The following SRPRA variants were observed in gnomAD, a reference collection of about 807,000 sequenced individuals.
SRPRA encodes signal recognition particle receptor subunit alpha.
Under a neutral mutation model 61.1 loss-of-function variants are expected in SRPRA, and 30 were observed. The observed-to-expected ratio is 0.49, with a 90% CI of 0.37 to 0.67. The LOEUF (loss-of-function observed/expected upper bound fraction) is 0.67, where lower values mean the gene tolerates loss of function less well. Ranked by LOEUF, SRPRA falls within the 30% of genes least tolerant of loss-of-function variation. The pLI is 0.00. For synonymous variants in SRPRA, 324 were observed against 299.7 expected (o/e 1.08, Z -0.84); for missense variants, 759 against 828.4 (o/e 0.92, Z 1.03).
chr11:126,261,514 ACT>A (rs2135228713), downstream of SRPRA: 1 of 1,570,682 alleles, frequency 6.4e-7, no homozygotes, highest in East Asian at 2.2e-5. Context: ...ACTATTTATC[ACT>A]CTGTAGCAGA....
chr11:126,240,984 T>C, the SRPRA span: 1 of 1,614,036 alleles, frequency 6.2e-7, no homozygotes, highest in Non-Finnish European at 8.5e-7. Flanking sequence ...TTCAGAAATG[T>C]CTCCATGAAG....
chr11:126,266,651 A>C (rs1950815175), intron 5 of SRPRA, 22 bp from the exon 6 acceptor site: 2 of 1,612,030 alleles, frequency 1.2e-6, no homozygotes, highest in Non-Finnish European at 1.7e-6. Context: ...TATGATACAA[A>C]GAGTTATGGT....
rs772232611 is a variant in SRPRA at position 126,265,341 on chromosome 11, T to C, written c.1238A>G (p.Gln413Arg). 2 of 1,613,378 alleles carry C rather than the reference T, an allele frequency of 1.2e-6. No homozygotes were observed. Among genetic ancestry groups the C allele is most frequent in the East Asian group, 4.5e-5 (2 of 44,780 alleles). Residue 413 changes from glutamine to arginine, a missense_variant, in exon 10 of 14, where the codon CAG becomes CGG. Physicochemically the swap from Gln to Arg is conservative, Grantham distance 43. This residue lies in a region of SRPRA where 284 missense variants were observed against 365.9 expected (regional missense o/e 0.78). Coordinates refer to ENST00000332118, the MANE Select transcript of SRPRA (RefSeq NM_003139.4). This position sits in a 1 kb window ranked among gnomAD's most constrained non-coding sequence, Gnocchi z 6.3. ...GACGACATAAGGGCGCTGGCGACGC[T>C]GGGCATCCATGATGTCCCGGAGCAT... ...VDMLRDIMDA[Q>R]RRQRPYVVTF...
the SRPRA span, among the ~76,000 whole-genome samples, chr11:126,238,603 CA>C: frequency 1.3e-5 from 2 of 152,278 alleles, no homozygotes; most frequent in Non-Finnish European, 2.9e-5. Flanking sequence ...ACTTAATCCC[CA>C]CCCTCAGCTG....
In SRPRA at chr11:126,265,057, T is replaced by A; in HGVS notation, c.1427A>T (p.His476Leu). The A allele has an allele frequency of 1.2e-6, 2 of 1,613,988 alleles. No homozygotes were observed. The highest frequency in any genetic ancestry group is 2.2e-5 in the South Asian group (2 of 91,058). Residue 476 changes from histidine to leucine, a missense_variant, in exon 11 of 14, where the codon CAC becomes CTC. This residue lies in a region of SRPRA where 284 missense variants were observed against 365.9 expected (regional missense o/e 0.78). Coordinates refer to ENST00000332118, the MANE Select transcript of SRPRA (RefSeq NM_003139.4). The surrounding 1 kb of genome is among the most constrained non-coding windows in gnomAD (Gnocchi z 6.3). ...GCGGCCACCATGCTTCTCTGGAGGG[T>A]GTAGGGCACTCAAACGCCGGGTGTG... The part of the protein sequence containing the change: ...RTHTRRLSAL[H>L]PPEKHGGRTM...
At chr11:126,262,034 T>C, downstream of SRPRA, 1 of 1,316,770 alleles carries the variant, frequency 7.6e-7, no homozygotes, top group Non-Finnish European at 1.1e-6. Flanking sequence ...TCTGAAGGGT[T>C]AGGATTGACT....
chr11:126,267,925 G>T lies in SRPRA; in HGVS notation c.201+78C>A. The T allele has an allele frequency of 6.7e-7, 1 of 1,495,556 alleles. No homozygotes were observed. Among genetic ancestry groups the T allele is most frequent in the Non-Finnish European group, 9.3e-7 (1 of 1,074,298 alleles). The allele number at this position is 1,495,556 out of a possible 1,614,324, so 92.6% of individuals were successfully genotyped here. ...TTCAGTTACGTCATCATATACACTG[G>T]CTGCAATTAATCAGAGTTCTCTTAA... On this transcript the variant is annotated intron_variant, in intron 2 of 13. Coordinates refer to ENST00000332118, the MANE Select transcript of SRPRA (RefSeq NM_003139.4). This position sits in a 1 kb window ranked among gnomAD's most constrained non-coding sequence, Gnocchi z 4.2.
At position 126,265,724 on chromosome 11, in the gene SRPRA, G is replaced by C. The variant is rs1209638561; in HGVS notation, c.1138+13C>G. The C allele has an allele frequency of 6.2e-7, 1 of 1,613,112 alleles. No homozygotes were observed. The highest frequency in any genetic ancestry group is 2.2e-5 in the East Asian group (1 of 44,890). Reference sequence around the variant, plus strand: ...CTACACATAAGCACTTTCTCACTTAGGTAAGTACTTACTGCTGAACGTCCC... The same window carrying C: ...CTACACATAAGCACTTTCTCACTTACGTAAGTACTTACTGCTGAACGTCCC... On this transcript the variant is annotated intron_variant, in intron 9 of 13. Transcript: ENST00000332118. This position sits in a 1 kb window ranked among gnomAD's most constrained non-coding sequence, Gnocchi z 6.3.
At chr11:126,254,968 A>G in the SRPRA span, among the ~76,000 whole-genome samples, 6 of 152,244 alleles carry the variant, frequency 3.9e-5, no homozygotes, top group South Asian at 1.2e-3. Context: ...GACAACCAGC[A>G]GATGGCATGT....
the SRPRA span, among the ~76,000 whole-genome samples, chr11:126,242,111 A>C: frequency 3.9e-5 from 6 of 152,250 alleles, no homozygotes; most frequent in African/African-American, 1.4e-4. Context: ...AAATGGATCA[A>C]AGACCTAAAT....
Position 126,265,477 on chromosome 11 carries a change from C to T in SRPRA, c.1139-37G>A. On this transcript the variant is annotated intron_variant, in intron 9 of 13. Coordinates refer to ENST00000332118, the MANE Select transcript of SRPRA (RefSeq NM_003139.4). The surrounding 1 kb of genome is among the most constrained non-coding windows in gnomAD (Gnocchi z 6.3). ...GGTGGAGGAGGTTGCAGCTGTGAAACTCAAGGAATGCTCTCAAAAATGCCT... is the reference window on the plus strand; with the variant it reads ...GGTGGAGGAGGTTGCAGCTGTGAAATTCAAGGAATGCTCTCAAAAATGCCT... The T allele has an allele frequency of 6.3e-7, 1 of 1,592,870 alleles. No individual in the cohort carries two copies. Among genetic ancestry groups the T allele is most frequent in the Non-Finnish European group, 8.5e-7 (1 of 1,169,792 alleles).
the SRPRA span, among the ~76,000 whole-genome samples, chr11:126,243,253 T>C: frequency 1.3e-5 from 2 of 152,182 alleles, no homozygotes; most frequent in Non-Finnish European, 2.9e-5. Flanking sequence ...TTCCAACTCA[T>C]TGTATGAGGC....
chr11:126,267,772 C>A lies in SRPRA; in HGVS notation c.202-60G>T. On this transcript the variant is annotated intron_variant, in intron 2 of 13. Transcript: ENST00000332118. This position sits in a 1 kb window ranked among gnomAD's most constrained non-coding sequence, Gnocchi z 4.2. ...TACATACTAGCCTAGAATGGAGGGACGCCAACTCAACCCTGGCTTTCAGAG... is the reference window on the plus strand; with the variant it reads ...TACATACTAGCCTAGAATGGAGGGAAGCCAACTCAACCCTGGCTTTCAGAG... 6.3e-7 allele frequency: 1 copy of A among 1,596,916 alleles called. No homozygotes were observed.
chr11:126,268,628 G>T (rs1280521029), intron 1 of SRPRA, 60 bp downstream of exon 1: 1 of 1,424,726 alleles, frequency 7.0e-7, no homozygotes, highest in African/African-American at 1.4e-5. Context: ...AGAGTCGAAG[G>T]GGACCATGGA....
rs1212204740 is a variant in SRPRA at position 126,267,105 on chromosome 11, G to C, written c.526+70C>G. ...GCAGGTAAGCAATGACAAAAGGAAG[G>C]ACCACCTCAGTCCTTAGCACCGTGT... On this transcript the variant is annotated intron_variant, in intron 4 of 13. Coordinates refer to ENST00000332118, the MANE Select transcript of SRPRA (RefSeq NM_003139.4). The surrounding 1 kb of genome is among the most constrained non-coding windows in gnomAD (Gnocchi z 4.2). 1 of 1,582,066 alleles carries C rather than the reference G, an allele frequency of 6.3e-7. No individual in the cohort carries two copies. The highest frequency in any genetic ancestry group is 1.4e-5 in the African/African-American group (1 of 73,580).
At position 126,266,575 on chromosome 11, in the gene SRPRA, C is replaced by T; in HGVS notation, c.741G>A (p.Val247=). The change falls in exon 6 of 14, where the codon GTG becomes GTA. Residue 247 remains valine, a synonymous_variant. Coordinates refer to ENST00000332118, the MANE Select transcript of SRPRA (RefSeq NM_003139.4). ...PKEKGKKAPR[V]WELGGCANKE... Reference sequence around the variant, plus strand: ...TGTTAGCACAGCCACCCAGTTCCCACACCCGGGGTGCTTTTTTGCCCTTCT... The same window carrying T: ...TGTTAGCACAGCCACCCAGTTCCCATACCCGGGGTGCTTTTTTGCCCTTCT... 3 of 1,614,234 alleles carry T rather than the reference C, an allele frequency of 1.9e-6. No homozygotes were observed. The highest frequency in any genetic ancestry group is 1.3e-5 in the African/African-American group (1 of 75,056).
chr11:126,246,123 A>C, the SRPRA span, among the ~76,000 whole-genome samples: 7 of 152,222 alleles, frequency 4.6e-5, no homozygotes, highest in Admixed American at 3.9e-4. Context: ...TTAATAATAA[A>C]AATGATATAT....
At chr11:126,268,149 G>GT (rs1950859921) in intron 1 of SRPRA, 63 bp from the exon 2 acceptor site, 1 of 1,473,118 alleles carries the variant, frequency 6.8e-7, no homozygotes, top group African/African-American at 1.4e-5. Context: ...TGGGCCCTGG[G>GT]TTTGGATAAC....
At chr11:126,244,386 C>T in the SRPRA span, among the ~76,000 whole-genome samples, 1 of 152,142 alleles carries the variant, frequency 6.6e-6, no homozygotes, top group South Asian at 2.1e-4. This position sits in a 1 kb window ranked among gnomAD's most constrained non-coding sequence, Gnocchi z 4.5. Context: ...GTTGGAGAAT[C>T]CGGGATCAAT....
Sources: allele counts gnomAD v4.1 joint callset (sites outside exome capture counted in the v4.1 genomes callset), GRCh38; gene constraint gnomAD v4.1.1; regional missense constraint gnomAD v4.1.1; non-coding constraint Gnocchi (gnomAD v3.1); transcripts MANE v1.5; gene names NCBI Gene and HGNC (gene_info 2026-07-23, HGNC 2026-07-21).